Variants in IL1RAPL2 observed in about 807,000 individuals in gnomAD.
IL1RAPL2 encodes the protein X-linked interleukin-1 receptor accessory protein-like 2.
IL1RAPL2 carries 3 observed loss-of-function variants against 44.1 expected under a neutral mutation model. That is an observed-to-expected ratio of 0.07 (90% CI 0.03 to 0.18). The LOEUF (loss-of-function observed/expected upper bound fraction) is 0.18, where lower values mean the gene tolerates loss of function less well. IL1RAPL2 is among the 10% of genes least tolerant of loss of function. IL1RAPL2 has a pLI of 1.00. For synonymous variants in IL1RAPL2, 181 were observed against 178.8 expected (o/e 1.01, Z -0.10); for missense variants, 391 against 496.4 (o/e 0.79, Z 2.02).
At chrX:105,132,048 C>A (rs1324799712) in intron 2 of IL1RAPL2, among the ~76,000 whole-genome samples, 1 of 108,124 alleles carries the variant, frequency 9.2e-6, no homozygotes, top group African/African-American at 3.4e-5. Flanking sequence ...GGCAGGGAGG[C>A]AGGAAAATGA....
At chrX:105,046,575 G>T (rs1317971479) in intron 2 of IL1RAPL2, among the ~76,000 whole-genome samples, 2 of 110,980 alleles carry the variant, frequency 1.8e-5, no homozygotes, top group Non-Finnish European at 3.8e-5. Context: ...TCTTTGTCCA[G>T]TCCCTGCATT....
intron 8 of IL1RAPL2, among the ~76,000 whole-genome samples, chrX:105,744,918 A>ATC (rs1458289343): frequency 9.0e-6 from 1 of 111,444 alleles, no homozygotes; most frequent in African/African-American, 3.3e-5. Context: ...ATATCATTGA[A>ATC]TCTCTCTCTC....
intron 5 of IL1RAPL2, among the ~76,000 whole-genome samples, chrX:105,393,689 C>T (rs1318022100): frequency 2.7e-5 from 3 of 111,710 alleles, no homozygotes; most frequent in Non-Finnish European, 5.6e-5. Context: ...TCATATTTCT[C>T]TTACTGTCAT....
chrX:104,588,044 G>C (rs1469711922), intron 1 of IL1RAPL2, among the ~76,000 whole-genome samples: 2 of 111,749 alleles, frequency 1.8e-5, no homozygotes, highest in Non-Finnish European at 3.8e-5. Flanking sequence ...AGAGAAAAAT[G>C]AGGGCTTTGA....
At chrX:105,490,178 A>T (rs1333984833) in intron 6 of IL1RAPL2, among the ~76,000 whole-genome samples, 1 of 111,357 alleles carries the variant, frequency 9.0e-6, no homozygotes, top group African/African-American at 3.3e-5. Context: ...GCTAGACAGC[A>T]TTATGCAGAA....
chrX:105,220,669 T>G, intron 3 of IL1RAPL2: 1 of 279,987 alleles, frequency 3.6e-6, no homozygotes, highest in Non-Finnish European at 6.3e-6. Context: ...GGAAGATCTC[T>G]CTCCCTCCTA....
intron 2 of IL1RAPL2, among the ~76,000 whole-genome samples, chrX:104,975,847 G>A (rs917325086): frequency 3.6e-5 from 4 of 111,152 alleles, no homozygotes; most frequent in Non-Finnish European, 5.7e-5. Flanking sequence ...ACCTTGGGGT[G>A]AGATCCTTTG....
In IL1RAPL2 at chrX:105,749,075, G is replaced by A; in HGVS notation, c.1164G>A (p.Gln388=). ...TTGAATTGATGCTCTTCTACAGGCA[G>A]CACTTTGGAGCTGATGAAACTAATG... ...YNIELMLFYR[Q]HFGADETNDD... is the part of the protein sequence containing the mutation. Residue 388 remains glutamine (Q), a synonymous_variant, in exon 9 of 11, where the codon CAG becomes CAA. Coordinates refer to ENST00000372582, the MANE Select transcript of IL1RAPL2 (RefSeq NM_017416.2). 8.3e-7 allele frequency: 1 copy of A among 1,207,734 alleles called. No homozygotes were observed. The highest frequency in any genetic ancestry group is 1.1e-6 in the Non-Finnish European group (1 of 892,953).
chrX:105,288,962 T>A (rs1160567893), intron 5 of IL1RAPL2, among the ~76,000 whole-genome samples: 2 of 111,742 alleles, frequency 1.8e-5, no homozygotes, highest in Non-Finnish European at 3.8e-5. Context: ...ACAGAGAGAA[T>A]TCTTGAAAAG....
chrX:104,589,769 G>A (rs904035304), intron 1 of IL1RAPL2, among the ~76,000 whole-genome samples: 8 of 111,427 alleles, frequency 7.2e-5, no homozygotes, highest in African/African-American at 2.6e-4. Flanking sequence ...GACACATTTT[G>A]TGTCAGCACT....
chrX:104,782,450 T>G (rs1483956333), intron 2 of IL1RAPL2, among the ~76,000 whole-genome samples: 1 of 111,763 alleles, frequency 8.9e-6, no homozygotes, highest in African/African-American at 3.3e-5. Context: ...ACTTAAATAT[T>G]CATGCTAATA....
At chrX:104,991,910 G>A (rs1348443199) in intron 2 of IL1RAPL2, among the ~76,000 whole-genome samples, 2 of 111,621 alleles carry the variant, frequency 1.8e-5, no homozygotes, top group East Asian at 2.8e-4. Context: ...GAGCAAAACC[G>A]AAAATAATCT....
chrX:105,470,513 C>G (rs913444052), intron 5 of IL1RAPL2, among the ~76,000 whole-genome samples: 2 of 111,656 alleles, frequency 1.8e-5, no homozygotes, highest in African/African-American at 6.5e-5. Context: ...ATTATTTTGC[C>G]AGTAACTTGC....
At chrX:104,584,849 T>C (rs2147993725) in intron 1 of IL1RAPL2, among the ~76,000 whole-genome samples, 1 of 110,868 alleles carries the variant, frequency 9.0e-6, no homozygotes, top group East Asian at 2.9e-4. Flanking sequence ...TAACTGAAAG[T>C]TGTTATGCCT....
chrX:105,081,442 A>C (rs1200936223), intron 2 of IL1RAPL2, among the ~76,000 whole-genome samples: 1 of 111,696 alleles, frequency 9.0e-6, no homozygotes, highest in Admixed American at 9.6e-5. Context: ...TTAAACTAAA[A>C]GTTAAAATCT....
chrX:104,692,882 A>G (rs1038970844), intron 2 of IL1RAPL2, among the ~76,000 whole-genome samples: 6 of 111,452 alleles, frequency 5.4e-5, no homozygotes, highest in Non-Finnish European at 1.9e-5. Flanking sequence ...GCTGGGTCAA[A>G]TGGTATTTCT....
chrX:104,569,609 A>G (rs1928107497), intron 1 of IL1RAPL2, among the ~76,000 whole-genome samples: 1 of 112,415 alleles, frequency 8.9e-6, no homozygotes, highest in African/African-American at 3.2e-5. Flanking sequence ...TGCTGTAAAG[A>G]ATCTGACCAT....
chrX:104,842,518 T>G (rs1408508830), intron 2 of IL1RAPL2, among the ~76,000 whole-genome samples: 2 of 112,236 alleles, frequency 1.8e-5, no homozygotes, highest in Admixed American at 9.4e-5. Flanking sequence ...TTCCCTCATC[T>G]TCGTGGATTT....
At chrX:105,753,157 G>A in intron 9 of IL1RAPL2, among the ~76,000 whole-genome samples, 1 of 111,423 alleles carries the variant, frequency 9.0e-6, no homozygotes, top group Non-Finnish European at 1.9e-5. Context: ...CCAAGAATAT[G>A]TGAGTTTAGT....
Sources: allele counts gnomAD v4.1 joint callset (sites outside exome capture counted in the v4.1 genomes callset), GRCh38; gene constraint gnomAD v4.1.1; transcripts MANE v1.5; gene names NCBI Gene and HGNC (gene_info 2026-07-23, HGNC 2026-07-21).